RUBCNL: variants seen among roughly 807,000 people sequenced by gnomAD.
RUBCNL encodes the protein rubicon like autophagy enhancer.
In RUBCNL, 62 loss-of-function variants were observed where a neutral mutation model predicts 69.5. The observed-to-expected ratio is 0.89, with a 90% CI of 0.73 to 1.10. The LOEUF (loss-of-function observed/expected upper bound fraction) is 1.10. Ranked by LOEUF, RUBCNL falls within the 50% of genes least tolerant of loss-of-function variation. The pLI, the probability that RUBCNL is intolerant of heterozygous loss-of-function variation, is 0.00. For missense variants in RUBCNL, 768 were observed against 798.1 expected (o/e 0.96, Z 0.45); for synonymous variants, 291 against 303.6 (o/e 0.96, Z 0.43).
Position 46,345,553 on chromosome 13 carries a change from A to G in RUBCNL, c.1679T>C (p.Leu560Pro), listed in dbSNP as rs1057330862. The G allele has an allele frequency of 3.1e-5, 50 of 1,613,590 alleles. No homozygotes were observed. The highest frequency in any genetic ancestry group is 4.1e-5 in the Non-Finnish European group (48 of 1,179,736). The change falls in exon 13 of 15, where the codon CTC becomes CCC. Residue 560 changes from leucine (L) to proline (P), a missense_variant. By Grantham distance (98) the Leu-to-Pro change is moderately conservative (BLOSUM62 -3). Transcript: ENST00000429979. ...CAGGTCCTCAAGGGAGAACAGGTGG[A>G]GCTCATCAGTCAAGTGTCCCGGCAC... ...EQVPGHLTDE[L>P]HLFSLEDLVR...
intron 10 of RUBCNL, among the ~76,000 whole-genome samples, chr13:46,355,084 A>G (rs1229262697): frequency 6.6e-6 from 1 of 152,180 alleles, no homozygotes; most frequent in Non-Finnish European, 1.5e-5. Context: ...GCCCAGATCG[A>G]TTCCTGCTTG....
Position 46,340,982 on chromosome 13 carries a change from G to T in RUBCNL, c.*2403C>A, listed in dbSNP as rs1440958000. The stretch of plus-strand genomic sequence containing the variant: ...CTAGAGCACCAAGTCACCATGGGTA[G>T]GTAGAAAGTGGCATATTTGGGATCT... On this transcript the variant is annotated 3_prime_UTR_variant, in exon 15 of 15. Transcript: ENST00000429979. 6.6e-6 allele frequency among the ~76,000 whole-genome samples: 1 copy of T among 152,192 alleles called. No individual in the cohort carries two copies. Among genetic ancestry groups the T allele is most frequent in the Non-Finnish European group, 1.5e-5 (1 of 68,046 alleles).
At chr13:46,362,974 A>ATATATATATC (rs1427984976) in intron 6 of RUBCNL, 141 bp downstream of exon 6, 1 of 170,650 alleles carries the variant, frequency 5.9e-6, no homozygotes, top group Non-Finnish European at 1.1e-5. Context: ...ATATATATAT[A>ATATATATATC]TCAGGGCCAT....
intron 3 of RUBCNL, among the ~76,000 whole-genome samples, chr13:46,370,945 A>C (rs2048863679): frequency 6.6e-6 from 1 of 151,448 alleles, no homozygotes; most frequent in Non-Finnish European, 1.5e-5. Context: ...GCCTGTAATC[A>C]GTCTTGTCAT....
rs762614133 is a variant in RUBCNL at position 46,363,196 on chromosome 13, C to A, written c.844G>T (p.Val282Phe). 1 of 1,571,908 alleles carries A rather than the reference C, an allele frequency of 6.4e-7. No individual in the cohort carries two copies. ...GTACGTGTTTCAGTCACTGGGCTGA[C>A]CTGTAACACAGCACAACCTAGACAA... ...SGYEGCAVLQ[V>F]SPVTETRTYH... is the part of the protein sequence containing the mutation. Residue 282 changes from valine (V) to phenylalanine (F), a missense_variant, in exon 6 of 15, where the codon GTC (valine) becomes TTC (phenylalanine). By Grantham distance (50) the Val-to-Phe change is conservative. Coordinates refer to ENST00000429979, the MANE Select transcript of RUBCNL (RefSeq NM_025113.5).
intron 1 of RUBCNL, among the ~76,000 whole-genome samples, chr13:46,380,503 G>T (rs1053321219): frequency 6.6e-6 from 1 of 152,148 alleles, no homozygotes; most frequent in Non-Finnish European, 1.5e-5. Flanking sequence ...CACACATTCC[G>T]TGTGGGCTGA....
intron 6 of RUBCNL, among the ~76,000 whole-genome samples, 179 bp downstream of exon 6, chr13:46,362,936 A>ATG (rs2048652885): frequency 2.1e-5 from 1 of 48,026 alleles, no homozygotes; most frequent in South Asian, 5.3e-4. Context: ...ATATATATAT[A>ATG]TAGATATATA....
chr13:46,352,711 G>A (rs2048397231), intron 10 of RUBCNL, among the ~76,000 whole-genome samples: 1 of 152,200 alleles, frequency 6.6e-6, no homozygotes, highest in Non-Finnish European at 1.5e-5. Context: ...GGCTGAGGCA[G>A]GAGAATTGCT....
Position 46,359,486 on chromosome 13 carries a change from T to C in RUBCNL, c.1265A>G (p.Lys422Arg). The change falls in exon 9 of 15, where the codon AAG becomes AGG. Residue 422 changes from lysine to arginine, a missense_variant and splice_region_variant. Transcript: ENST00000429979. ...GGCCCAAGCAACAGCCCATACTTAC[T>C]TGAGTGGTGGATGAATATTAAATAT... is the stretch of plus-strand genomic sequence containing the variant. ...QIIFNIHPPL[K>R]RDLVVAAQNF... 6.2e-7 allele frequency: 1 copy of C among 1,604,256 alleles called. No homozygotes were observed. Among genetic ancestry groups the C allele is most frequent in the Non-Finnish European group, 8.5e-7 (1 of 1,175,360 alleles).
At position 46,361,562 on chromosome 13, in the gene RUBCNL, T is replaced by C; in HGVS notation, c.998A>G (p.Glu333Gly). 2 of 1,600,970 alleles carry C rather than the reference T, an allele frequency of 1.2e-6. No individual in the cohort carries two copies. The highest frequency in any genetic ancestry group is 1.7e-6 in the Non-Finnish European group (2 of 1,173,254). ...SCSSSKSVTY[E>G]PDFNSAELLA... Reference sequence around the variant, plus strand: ...TAGTTCTGCAGAATTGAAGTCTGGCTCATAAGTGACACTGAAATGTAAGAG... The same window carrying C: ...TAGTTCTGCAGAATTGAAGTCTGGCCCATAAGTGACACTGAAATGTAAGAG... The change falls in exon 8 of 15, where the codon GAG becomes GGG. Residue 333 changes from glutamate to glycine, a missense_variant. By Grantham distance (98) the Glu-to-Gly change is moderately conservative (BLOSUM62 -2). Transcript: ENST00000429979.
At chr13:46,382,825 G>A (rs996060978) in intron 1 of RUBCNL, among the ~76,000 whole-genome samples, 3 of 152,170 alleles carry the variant, frequency 2.0e-5, no homozygotes, top group Non-Finnish European at 4.4e-5. Flanking sequence ...ATGAGCCACC[G>A]CGCCTGGCCT....
Position 46,377,908 on chromosome 13 carries a change from G to A in RUBCNL, c.-141C>T, listed in dbSNP as rs76280538. ...CACTCACCAGGAGTATGAATTTCTCGAAGAGGCAGATTGACACAGAGGAGA... is the reference window on the plus strand; with the variant it reads ...CACTCACCAGGAGTATGAATTTCTCAAAGAGGCAGATTGACACAGAGGAGA... On this transcript the variant is annotated 5_prime_UTR_variant, in exon 2 of 15. The change creates a premature stop within an existing upstream ORF in the 5' untranslated region. Coordinates refer to ENST00000429979, the MANE Select transcript of RUBCNL (RefSeq NM_025113.5). 97 of 1,607,942 alleles carry A rather than the reference G, an allele frequency of 6.0e-5. No individual in the cohort carries two copies. In the South Asian group the frequency reaches 6.1e-4, roughly 10 times the overall value.
In RUBCNL at chr13:46,372,108, T is replaced by G; in HGVS notation, c.368A>C (p.Lys123Thr). The change falls in exon 3 of 15, where the codon AAG (lysine) becomes ACG (threonine). Residue 123 changes from lysine (K) to threonine (T), a missense_variant. Transcript: ENST00000429979. ...TGAGGACAGAGAGAAGCTGCTACTC[T>G]TTTCACTCGAGCCATGGGGAGAAGC... ...GSASPHGSSE[K>T]SSSFSLSSTE... 6.2e-7 allele frequency: 1 copy of G among 1,613,936 alleles called. No homozygotes were observed. Among genetic ancestry groups the G allele is most frequent in the Non-Finnish European group, 8.5e-7 (1 of 1,179,892 alleles).
At chr13:46,376,788 T>C (rs1203221754) in intron 2 of RUBCNL, among the ~76,000 whole-genome samples, 2 of 152,244 alleles carry the variant, frequency 1.3e-5, no homozygotes, top group Non-Finnish European at 2.9e-5. Context: ...CCAGAAGATA[T>C]GTTTTCTTTT....
At chr13:46,374,146 C>T (rs2048937871) in intron 2 of RUBCNL, among the ~76,000 whole-genome samples, 1 of 152,248 alleles carries the variant, frequency 6.6e-6, no homozygotes, top group Non-Finnish European at 1.5e-5. Context: ...GTGGCACAAT[C>T]TCGGCTCACT....
chr13:46,378,089 A>G, intron 1 of RUBCNL, 84 bp from the exon 2 acceptor site: 1 of 683,392 alleles, frequency 1.5e-6, no homozygotes, highest in Non-Finnish European at 2.4e-6. Context: ...GTAGTGTGTT[A>G]GTTATTCAGT....
rs2048145101 is a variant in RUBCNL at position 46,341,760 on chromosome 13, C to T, written c.*1625G>A. 6.6e-6 allele frequency among the ~76,000 whole-genome samples: 1 copy of T among 152,242 alleles called. No individual in the cohort carries two copies. Among genetic ancestry groups the T allele is most frequent in the Non-Finnish European group, 1.5e-5 (1 of 68,038 alleles). ...TTTTTACTCCTTTGTCTTGAAAAGA[C>T]ACCACAAAAGAAGCAGGGCCTAAGC... On this transcript the variant is annotated 3_prime_UTR_variant, in exon 15 of 15. Coordinates refer to ENST00000429979, the MANE Select transcript of RUBCNL (RefSeq NM_025113.5).
chr13:46,380,931 CA>C (rs2049104000), intron 1 of RUBCNL, among the ~76,000 whole-genome samples: 1 of 152,002 alleles, frequency 6.6e-6, no homozygotes. Flanking sequence ...ATAACTAAGA[CA>C]GTGAAAAAAT....
At chr13:46,365,888 GAAAGT>G (rs2138775108) in intron 5 of RUBCNL, among the ~76,000 whole-genome samples, 1 of 152,204 alleles carries the variant, frequency 6.6e-6, no homozygotes, top group East Asian at 1.9e-4. Flanking sequence ...GAAACAAGTT[GAAAGT>G]AAAGAGAGAA....
Sources: allele counts gnomAD v4.1 joint callset (sites outside exome capture counted in the v4.1 genomes callset), GRCh38; gene constraint gnomAD v4.1.1; transcripts MANE v1.5; gene names NCBI Gene and HGNC (gene_info 2026-07-23, HGNC 2026-07-21).